The following ST18 variants were observed in gnomAD, a reference collection of about 807,000 sequenced individuals.
The protein encoded by ST18 is ST18 C2H2C-type zinc finger transcription factor, also known as suppression of tumorigenicity 18 protein.
Under a neutral mutation model 110.0 loss-of-function variants are expected in ST18, and 50 were observed. The observed-to-expected ratio is 0.45, with a 90% CI of 0.36 to 0.58. The LOEUF (loss-of-function observed/expected upper bound fraction) is 0.58, where lower values mean the gene tolerates loss of function less well. ST18 is among the 20% of genes least tolerant of loss of function. The pLI, the probability that ST18 is intolerant of heterozygous loss-of-function variation, is 0.00. For synonymous variants in ST18, 461 were observed against 452.4 expected (o/e 1.02, Z -0.24); for missense variants, 1,306 against 1,280.1 (o/e 1.02, Z -0.31).
intron 12 of ST18, 121 bp downstream of exon 12, chr8:52,165,014 G>T: frequency 1.2e-6 from 1 of 839,622 alleles, no homozygotes; most frequent in Non-Finnish European, 2.0e-6. Context: ...TATTTCAAGT[G>T]TCACATATTG....
rs550456223 is a variant in ST18 at position 52,343,938 on chromosome 8, A to T, written c.-465+65390T>A. Among the ~76,000 whole-genome samples the T allele has an allele frequency of 2.6e-5, 4 of 152,344 alleles. No homozygotes were observed. The South Asian group carries it at 8.3e-4, about 32-fold the overall frequency. Reference sequence around the variant, plus strand: ...GCTAACATAAACACACAGTGTGGCTATGCTAATAAAGTATTTTCAAGCAGC... The same window carrying T: ...GCTAACATAAACACACAGTGTGGCTTTGCTAATAAAGTATTTTCAAGCAGC... On this transcript the variant is annotated intron_variant, in intron 2 of 25. Transcript: ENST00000689386.
chr8:52,150,090 C>T, intron 15 of ST18, 113 bp from the exon 16 acceptor site: 6 of 1,382,726 alleles, frequency 4.3e-6, no homozygotes, highest in Non-Finnish European at 4.9e-6. Context: ...AGTATATCTG[C>T]TTTTAAATCT....
chr8:52,145,888 C>T (rs1212830826), intron 16 of ST18, among the ~76,000 whole-genome samples: 1 of 152,168 alleles, frequency 6.6e-6, no homozygotes, highest in African/African-American at 2.4e-5. Flanking sequence ...TTTCTCAACA[C>T]TTTCCTTTCG....
intron 2 of ST18, among the ~76,000 whole-genome samples, chr8:52,349,650 T>A (rs888590484): frequency 1.3e-5 from 2 of 152,216 alleles, no homozygotes; most frequent in Non-Finnish European, 2.9e-5. Flanking sequence ...ACTTATAGGG[T>A]ACAAAGCAAA....
chr8:52,165,204 A>G lies in ST18; in HGVS notation c.1226T>C (p.Val409Ala), dbSNP rs765197434. 1.2e-6 allele frequency: 2 copies of G among 1,614,112 alleles called. No homozygotes were observed. Among genetic ancestry groups the G allele is most frequent in the Non-Finnish European group, 1.7e-6 (2 of 1,180,042 alleles). The change falls in exon 12 of 26, where the codon GTG becomes GCG. Residue 409 changes from valine (V) to alanine (A), a missense_variant. Coordinates refer to ENST00000689386, the MANE Select transcript of ST18 (RefSeq NM_001352837.2). ...PLEILAMHEN[V>A]LKCPTPGCTG... ...GCATCCCGGCGTGGGACACTTGAGC[A>G]CATTTTCATGCATGGCAAGAACTAA...
intron 15 of ST18, among the ~76,000 whole-genome samples, chr8:52,152,469 C>A (rs751194686): frequency 6.6e-6 from 1 of 152,106 alleles, no homozygotes; most frequent in Non-Finnish European, 1.5e-5. Context: ...ATGTAAAGTT[C>A]TCTTGGGGGT....
chr8:52,157,902 A>G (rs796426864), intron 15 of ST18, among the ~76,000 whole-genome samples: 15 of 152,396 alleles, frequency 9.8e-5, no homozygotes, highest in African/African-American at 3.1e-4. Flanking sequence ...TCAAGTGCCC[A>G]GGTTTCAGGG....
At chr8:52,316,821 T>C (rs1357928835) in intron 2 of ST18, among the ~76,000 whole-genome samples, 1 of 152,190 alleles carries the variant, frequency 6.6e-6, no homozygotes, top group Non-Finnish European at 1.5e-5. Flanking sequence ...TTAAACTTCT[T>C]ATTTTACTGT....
chr8:52,349,718 G>A (rs1819384360), intron 2 of ST18, among the ~76,000 whole-genome samples: 1 of 152,184 alleles, frequency 6.6e-6, no homozygotes, highest in African/African-American at 2.4e-5. Context: ...TAGGTTTTCT[G>A]TGTATCAGTC....
In ST18 at chr8:52,214,249, T is replaced by C. The variant is rs1324135187; in HGVS notation, c.9A>G (p.Ala3=). 4 of 1,614,064 alleles carry C rather than the reference T, an allele frequency of 2.5e-6. No homozygotes were observed. Among genetic ancestry groups the C allele is most frequent in the Non-Finnish European group, 3.4e-6 (4 of 1,179,992 alleles). Reference sequence around the variant, plus strand: ...TACGCAGCGTTTTATCTTCAGCCTCTGCATCCATCTATAACATGAACACAA... The same window carrying C: ...TACGCAGCGTTTTATCTTCAGCCTCCGCATCCATCTATAACATGAACACAA... MD[A]EAEDKTLRTR... Residue 3 remains alanine, a synonymous_variant, in exon 7 of 26, where the codon GCA becomes GCG. Coordinates refer to ENST00000689386, the MANE Select transcript of ST18 (RefSeq NM_001352837.2).
chr8:52,226,065 C>T (rs2089268290), intron 3 of ST18, among the ~76,000 whole-genome samples: 1 of 152,126 alleles, frequency 6.6e-6, no homozygotes, highest in Admixed American at 6.6e-5. Context: ...GTGAAGAACT[C>T]CTTGGGTTAG....
At chr8:52,200,197 A>T (rs1196731433) in intron 8 of ST18, among the ~76,000 whole-genome samples, 1 of 152,208 alleles carries the variant, frequency 6.6e-6, no homozygotes, top group Non-Finnish European at 1.5e-5. Context: ...AAAAAAAGAC[A>T]GATTAGGAAC....
At chr8:52,376,434 C>A (rs1385621631) in intron 2 of ST18, among the ~76,000 whole-genome samples, 2 of 152,196 alleles carry the variant, frequency 1.3e-5, no homozygotes, top group South Asian at 4.1e-4. Context: ...TCCTTCAAAT[C>A]TTTGTGCAAA....
intron 8 of ST18, among the ~76,000 whole-genome samples, chr8:52,182,010 T>C (rs2069860863): frequency 1.3e-5 from 2 of 152,086 alleles, no homozygotes; most frequent in South Asian, 2.1e-4. Context: ...ATAGTTAAAG[T>C]ATCCTGAGTC....
rs138378597 is a variant in ST18, at chr8:52,355,979, C to T, written c.-465+53349G>A. On this transcript the variant is annotated intron_variant, in intron 2 of 25. Coordinates refer to ENST00000689386, the MANE Select transcript of ST18 (RefSeq NM_001352837.2). ...AGCAGCCAGGAGCAAGGGATAACAA[C>T]CAGACAAGCAACACTCAGGCTGAAA... 7.9e-3 allele frequency among the ~76,000 whole-genome samples: 1,206 copies of T among 152,106 alleles called. 17 individuals are homozygous for T. Among genetic ancestry groups the T allele is most frequent in the African/African-American group, 0.028 (1,142 of 41,474 alleles).
chr8:52,178,640 A>AAC (rs1563897121), intron 9 of ST18, among the ~76,000 whole-genome samples: 1 of 133,682 alleles, frequency 7.5e-6, no homozygotes, highest in African/African-American at 3.2e-5. Flanking sequence ...AAAAAAAAAA[A>AAC]AAACCACCAA....
At chr8:52,115,077 TATTAC>T (rs1304166965) in intron 25 of ST18, among the ~76,000 whole-genome samples, 1 of 152,224 alleles carries the variant, frequency 6.6e-6, no homozygotes, top group Non-Finnish European at 1.5e-5. Context: ...TTGTGTTCAT[TATTAC>T]ATTATTGATT....
At chr8:52,129,831 G>A (rs910761929) in intron 22 of ST18, among the ~76,000 whole-genome samples, 1 of 152,036 alleles carries the variant, frequency 6.6e-6, no homozygotes, top group East Asian at 1.9e-4. Context: ...GATCACCTGA[G>A]GTCAGGAGTT....
At chr8:52,247,253 C>A (rs970678164) in intron 2 of ST18, among the ~76,000 whole-genome samples, 1 of 152,070 alleles carries the variant, frequency 6.6e-6, no homozygotes, top group African/African-American at 2.4e-5. Context: ...AAGAAGAAAG[C>A]TGTCAAGTAG....
Sources: allele counts gnomAD v4.1 joint callset (sites outside exome capture counted in the v4.1 genomes callset), GRCh38; gene constraint gnomAD v4.1.1; transcripts MANE v1.5; gene names NCBI Gene and HGNC (gene_info 2026-07-23, HGNC 2026-07-21).